The following BIVM variants were observed in gnomAD, a reference collection of about 807,000 sequenced individuals.
The protein encoded by BIVM is basic immunoglobulin-like variable motif-containing protein.
A neutral mutation model predicts 61.4 loss-of-function variants in BIVM; 31 were observed. That is an observed-to-expected ratio of 0.51 (90% CI 0.38 to 0.68). BIVM has a LOEUF of 0.68. Ranked by LOEUF, BIVM falls within the 30% of genes least tolerant of loss-of-function variation. The pLI is 0.00. For synonymous variants in BIVM, 189 were observed against 210.7 expected (o/e 0.90, Z 0.89); for missense variants, 526 against 596.0 (o/e 0.88, Z 1.22).
intron 7 of BIVM, among the ~76,000 whole-genome samples, chr13:102,825,083 C>T (rs1880577169): frequency 6.6e-6 from 1 of 152,020 alleles, no homozygotes; most frequent in Non-Finnish European, 1.5e-5. Context: ...GCTGGGACTA[C>T]AGGCGCCCAC....
At position 102,822,114 on chromosome 13, in the gene BIVM, G is replaced by A. The variant is rs1416284258; in HGVS notation, c.856G>A (p.Val286Ile). ...CTTCCATGTAAAAGGATGCTCTTATGTTCTATATAAGCCTCATGGGAAGAA... is the reference window on the plus strand; with the variant it reads ...CTTCCATGTAAAAGGATGCTCTTATATTCTATATAAGCCTCATGGGAAGAA... ...DHFHVKGCSY[V>I]LYKPHGKNKT... The change falls in exon 7 of 11, where the codon GTT (valine) becomes ATT (isoleucine). Residue 286 changes from valine to isoleucine, a missense_variant. Physicochemically the swap from Val to Ile is conservative, Grantham distance 29 (BLOSUM62 3). Coordinates refer to ENST00000257336, the MANE Select transcript of BIVM (RefSeq NM_017693.4). 1.2e-5 allele frequency: 19 copies of A among 1,613,972 alleles called. No homozygotes were observed. The highest frequency in any genetic ancestry group is 1.5e-5 in the Non-Finnish European group (18 of 1,179,988).
In BIVM at chr13:102,841,439, G is replaced by T. The variant is rs939611197; in HGVS notation, c.*1574G>T. On this transcript the variant is annotated 3_prime_UTR_variant, in exon 11 of 11. Coordinates refer to ENST00000257336, the MANE Select transcript of BIVM (RefSeq NM_017693.4). ...GAGAATATTTTGCTTGAAATGCAAA[G>T]GACTGAAAGAGATTTGTAGGTTGTT... The T allele has an allele frequency of 1.3e-5, 2 of 152,552 alleles. No homozygotes were observed. The highest frequency in any genetic ancestry group is 2.9e-5 in the Non-Finnish European group (2 of 68,036). 9.4% of individuals were successfully genotyped at this position (152,552 alleles called of 1,614,324 possible). A position where few individuals can be genotyped will look rare whatever the true frequency, so the allele number is the denominator to read the frequency against.
In BIVM at chr13:102,822,306, A is replaced by G. The variant is rs1880347997; in HGVS notation, c.901+147A>G. On this transcript the variant is annotated intron_variant, in intron 7 of 10. Coordinates refer to ENST00000257336, the MANE Select transcript of BIVM (RefSeq NM_017693.4). ...ACCCTCAGCACAGTCTGTTACTTGC[A>G]TGTAATCTGTAGGGCACTTTTTAAT... 12 of 717,920 alleles carry G rather than the reference A, an allele frequency of 1.7e-5. No individual in the cohort carries two copies. The East Asian group carries it at 2.2e-4, about 13-fold the overall frequency. 44.5% of individuals were successfully genotyped at this position (717,920 alleles called of 1,614,324 possible).
intron 3 of BIVM, among the ~76,000 whole-genome samples, chr13:102,814,247 C>T (rs1334349002): frequency 1.3e-5 from 2 of 152,104 alleles, no homozygotes; most frequent in Non-Finnish European, 2.9e-5. Context: ...AGGTGTTGCT[C>T]TTCTATGTTC....
chr13:102,807,562 T>C lies in BIVM; in HGVS notation c.295T>C (p.Ser99Pro), dbSNP rs1595332936. The C allele has an allele frequency of 4.3e-6, 7 of 1,614,192 alleles. No individual in the cohort carries two copies. Among genetic ancestry groups the C allele is most frequent in the Non-Finnish European group, 5.9e-6 (7 of 1,180,046 alleles). Residue 99 changes from serine to proline, a missense_variant, in exon 3 of 11, where the codon TCT becomes CCT. Physicochemically the swap from Ser to Pro is moderately conservative, Grantham distance 74. Coordinates refer to ENST00000257336, the MANE Select transcript of BIVM (RefSeq NM_017693.4). The surrounding 1 kb of genome is among the most constrained non-coding windows in gnomAD (Gnocchi z 4.0). ...SRSPCLPDSTSLSAGNNSSRY... is the reference protein window; with the variant it reads ...SRSPCLPDSTPLSAGNNSSRY... The stretch of plus-strand genomic sequence containing the variant: ...CTCTCCTTGCCTCCCTGATAGTACC[T>C]CTTTATCTGCTGGAAATAATTCATC...
rs576741312 is a variant in BIVM, at chr13:102,807,470, C to T, written c.203C>T (p.Ala68Val). 1.9e-6 allele frequency: 3 copies of T among 1,614,180 alleles called. No individual in the cohort carries two copies. Among genetic ancestry groups the T allele is most frequent in the East Asian group, 2.2e-5 (1 of 44,884 alleles). The change falls in exon 3 of 11, where the codon GCC becomes GTC. Residue 68 changes from alanine (A) to valine (V), a missense_variant. By Grantham distance (64) the Ala-to-Val change is moderately conservative. Coordinates refer to ENST00000257336, the MANE Select transcript of BIVM (RefSeq NM_017693.4). The surrounding 1 kb of genome is among the most constrained non-coding windows in gnomAD (Gnocchi z 4.0). ...PVTHTREKIY[A>V]ICSDYAFLNQ... ...ACTCATACACGGGAAAAAATTTATGCCATCTGTTCGGACTATGCCTTTCTC... is the reference window on the plus strand; with the variant it reads ...ACTCATACACGGGAAAAAATTTATGTCATCTGTTCGGACTATGCCTTTCTC...
rs1400460439 is a variant in BIVM at position 102,841,214 on chromosome 13, AG to A, written c.*1351del. ...TTCTTTAATTTTAGGGTCTTGTTCC[AG>A]GACTCAAATCAGTAACTTGGTGATT... On this transcript the variant is annotated 3_prime_UTR_variant, in exon 11 of 11. Transcript: ENST00000257336. The A allele has an allele frequency of 6.6e-6, 1 of 152,614 alleles. No individual in the cohort carries two copies. Among genetic ancestry groups the A allele is most frequent in the Non-Finnish European group, 1.5e-5 (1 of 68,024 alleles). 9.5% of individuals were successfully genotyped at this position (152,614 alleles called of 1,614,324 possible). A position where few individuals can be genotyped will look rare whatever the true frequency, so the allele number is the denominator to read the frequency against.
At position 102,822,100 on chromosome 13, in the gene BIVM, A is replaced by G; in HGVS notation, c.842A>G (p.Lys281Arg). The change falls in exon 7 of 11, where the codon AAA becomes AGA. Residue 281 changes from lysine (K) to arginine (R), a missense_variant. Around this residue, in one of 3 missense-constraint regions of BIVM, gnomAD observed 312 missense variants for 343.8 expected, o/e 0.91. Transcript: ENST00000257336. ...CAAATTAATGACCACTTCCATGTAA[A>G]AGGATGCTCTTATGTTCTATATAAG... ...FRQINDHFHV[K>R]GCSYVLYKPH... 1 of 1,614,044 alleles carries G rather than the reference A, an allele frequency of 6.2e-7. No individual in the cohort carries two copies. Among genetic ancestry groups the G allele is most frequent in the East Asian group, 2.2e-5 (1 of 44,874 alleles).
chr13:102,829,910 T>C (rs899265365), intron 7 of BIVM, among the ~76,000 whole-genome samples: 12 of 152,204 alleles, frequency 7.9e-5, no homozygotes, highest in African/African-American at 2.9e-4. Context: ...CAGAGGGTGA[T>C]CTTTTTCTTA....
At chr13:102,828,005 A>G (rs1880795573) in intron 7 of BIVM, among the ~76,000 whole-genome samples, 1 of 152,152 alleles carries the variant, frequency 6.6e-6, no homozygotes, top group Admixed American at 6.5e-5. Flanking sequence ...TTGTGCTTAA[A>G]TTGTTTTTTA....
chr13:102,838,812 T>C (rs1881650398), intron 10 of BIVM, 73 bp downstream of exon 10: 1 of 1,397,190 alleles, frequency 7.2e-7, no homozygotes, highest in Admixed American at 2.2e-5. Context: ...TAGCACTCTT[T>C]AGGTTGCAAG....
chr13:102,815,703 C>A (rs1016405000), intron 3 of BIVM, among the ~76,000 whole-genome samples: 2 of 152,196 alleles, frequency 1.3e-5, no homozygotes, highest in Non-Finnish European at 2.9e-5. Flanking sequence ...CCAATTCTCC[C>A]TTCCCCAGTA....
chr13:102,815,950 A>G (rs1325131523), intron 3 of BIVM, among the ~76,000 whole-genome samples: 1 of 152,230 alleles, frequency 6.6e-6, no homozygotes, highest in Non-Finnish European at 1.5e-5. Context: ...CATCACATTA[A>G]TGGATCTGGT....
rs1880241768 is a variant in BIVM, at chr13:102,821,065, A to G, written c.634A>G (p.Thr212Ala). 6.2e-7 allele frequency: 1 copy of G among 1,613,498 alleles called. No homozygotes were observed. Among genetic ancestry groups the G allele is most frequent in the Non-Finnish European group, 8.5e-7 (1 of 1,179,876 alleles). ...CTGCATAAGCCGACCACAGTATAAG[A>G]CTTCTTGTGGCATCTCTTCATTAAT... ...WYCISRPQYKTSCGISSLISC... is the reference protein window; with the variant it reads ...WYCISRPQYKASCGISSLISC... The change falls in exon 5 of 11, where the codon ACT (threonine) becomes GCT (alanine). Residue 212 changes from threonine (T) to alanine (A), a missense_variant. By Grantham distance (58) the Thr-to-Ala change is moderately conservative. Around this residue, in one of 3 missense-constraint regions of BIVM, gnomAD observed 312 missense variants for 343.8 expected, o/e 0.91. Transcript: ENST00000257336.
intron 3 of BIVM, among the ~76,000 whole-genome samples, chr13:102,814,129 G>GT (rs1173591706): frequency 1.3e-5 from 2 of 152,074 alleles, no homozygotes; most frequent in Non-Finnish European, 2.9e-5. Context: ...TGTTGAGGCT[G>GT]TGTGTGTGTG....
rs529869826 is a variant in BIVM, at chr13:102,815,217, T to C, written c.479-1211T>C. Among the ~76,000 whole-genome samples the C allele has an allele frequency of 2.0e-5, 3 of 152,322 alleles. No individual in the cohort carries two copies. In the East Asian group the frequency reaches 5.8e-4, roughly 29 times the overall value. ...TCAAATGGTTTCTCTGTATAGTATC[T>C]TGAAGGAATAAAACTGATCTCTTTC... On this transcript the variant is annotated intron_variant, in intron 3 of 10. Coordinates refer to ENST00000257336, the MANE Select transcript of BIVM (RefSeq NM_017693.4).
chr13:102,820,860 T>G, intron 4 of BIVM, 177 bp from the exon 5 acceptor site: 1 of 574,224 alleles, frequency 1.7e-6, no homozygotes, highest in Non-Finnish European at 2.9e-6. Context: ...AAGCAGGTGA[T>G]TTATTGTTAT....
rs373170084 is a variant in BIVM, at chr13:102,839,447, T to G, written c.1219-125T>G. On this transcript the variant is annotated intron_variant, in intron 10 of 10. Coordinates refer to ENST00000257336, the MANE Select transcript of BIVM (RefSeq NM_017693.4). ...CAGGATGAGGTGCTCTGATGATGCCTGGAAGGAAAGTACCATTCTGAGGCC... is the reference window on the plus strand; with the variant it reads ...CAGGATGAGGTGCTCTGATGATGCCGGGAAGGAAAGTACCATTCTGAGGCC... 165 of 1,308,558 alleles carry G rather than the reference T, an allele frequency of 1.3e-4. 2 individuals are homozygous for G. In the East Asian group the frequency reaches 2.5e-3, roughly 20 times the overall value. The allele number at this position is 1,308,558 out of a possible 1,614,324, so 81.1% of individuals were successfully genotyped here.
Position 102,824,206 on chromosome 13 carries a change from G to A in BIVM, c.901+2047G>A, listed in dbSNP as rs76184452. Among the ~76,000 whole-genome samples the A allele has an allele frequency of 1.3e-3, 203 of 152,304 alleles. 2 individuals are homozygous for A. In the East Asian group the frequency reaches 0.016, roughly 12 times the overall value. On this transcript the variant is annotated intron_variant, in intron 7 of 10. Transcript: ENST00000257336. ...ATAGCAGTTCAGTGAAAGCAAGTGA[G>A]AGGGTAAGGGGTGTCAAGGCACAGT...
Sources: allele counts gnomAD v4.1 joint callset (sites outside exome capture counted in the v4.1 genomes callset), GRCh38; gene constraint gnomAD v4.1.1; regional missense constraint gnomAD v4.1.1; non-coding constraint Gnocchi (gnomAD v3.1); transcripts MANE v1.5; gene names NCBI Gene and HGNC (gene_info 2026-07-23, HGNC 2026-07-21).